Variants in RIMKLB observed in about 807,000 individuals in gnomAD.
The protein encoded by RIMKLB is beta-citrylglutamate synthase B.
Under a neutral mutation model 32.0 loss-of-function variants are expected in RIMKLB, and 7 were observed. The observed-to-expected ratio is 0.22, with a 90% CI of 0.12 to 0.41. The LOEUF is 0.41. Among genes scored for constraint, RIMKLB ranks in the 10% least tolerant of loss-of-function variants. The pLI, the probability that RIMKLB is intolerant of heterozygous loss-of-function variation, is 1.00. For missense variants in RIMKLB, 289 were observed against 498.7 expected (o/e 0.58, Z 4.00); for synonymous variants, 172 against 185.1 (o/e 0.93, Z 0.57).
rs1181126161 is a variant in RIMKLB, at chr12:8,776,526, T to A, written c.*2742T>A. The A allele has an allele frequency of 2.6e-6, 2 of 757,752 alleles. No homozygotes were observed. The highest frequency in any genetic ancestry group is 3.2e-6 in the Non-Finnish European group (2 of 622,844). 46.9% of individuals were successfully genotyped at this position (757,752 alleles called of 1,614,324 possible). ...TAATGATAAAATCTGAATTGTAAAATTTTTGTATATTGTTAAAATTGTAAT... is the reference window on the plus strand; with the variant it reads ...TAATGATAAAATCTGAATTGTAAAAATTTTGTATATTGTTAAAATTGTAAT... On this transcript the variant is annotated 3_prime_UTR_variant, in exon 6 of 6. Coordinates refer to ENST00000535829, the MANE Select transcript of RIMKLB (RefSeq NM_001297776.2).
intron 2 of RIMKLB, among the ~76,000 whole-genome samples, chr12:8,735,368 TA>T (rs1454576349): frequency 6.6e-6 from 1 of 152,228 alleles, no homozygotes; most frequent in Non-Finnish European, 1.5e-5. Context: ...TAGCTGGAAC[TA>T]CAGGCGCACA....
chr12:8,721,481 C>T (rs1945433581), intron 2 of RIMKLB, among the ~76,000 whole-genome samples: 1 of 152,154 alleles, frequency 6.6e-6, no homozygotes, highest in Admixed American at 6.5e-5. Context: ...GAATAGATTC[C>T]ATCTCCATTG....
At chr12:8,714,609 T>C (rs1470213702) in intron 2 of RIMKLB, among the ~76,000 whole-genome samples, 1 of 152,168 alleles carries the variant, frequency 6.6e-6, no homozygotes, top group Non-Finnish European at 1.5e-5. Flanking sequence ...TTTAACTCAA[T>C]TGGTGATAAA....
Position 8,719,070 on chromosome 12 carries a change from C to G in RIMKLB, c.175+5029C>G, listed in dbSNP as rs1187393765. On this transcript the variant is annotated intron_variant, in intron 2 of 5. Coordinates refer to ENST00000535829, the MANE Select transcript of RIMKLB (RefSeq NM_001297776.2). The stretch of plus-strand genomic sequence containing the variant: ...TCCTGTTCATCCTCCTCCTTCCCTC[C>G]CTCTCACCCATCTCTTGACAACCAC... Among the ~76,000 whole-genome samples the G allele has an allele frequency of 2.0e-5, 3 of 152,090 alleles. No individual in the cohort carries two copies. In the East Asian group the frequency reaches 5.8e-4, roughly 29 times the overall value.
intron 2 of RIMKLB, among the ~76,000 whole-genome samples, chr12:8,722,235 T>A (rs988931187): frequency 2.9e-5 from 4 of 137,768 alleles, no homozygotes; most frequent in Non-Finnish European, 4.7e-5. Flanking sequence ...AAAAAAAAAA[T>A]TACTTCTTGA....
intron 5 of RIMKLB, among the ~76,000 whole-genome samples, chr12:8,767,749 G>A (rs905445210): frequency 2.0e-5 from 3 of 152,060 alleles, no homozygotes; most frequent in Non-Finnish European, 4.4e-5. Flanking sequence ...GCAGACCAAC[G>A]CTCCCAATCC....
chr12:8,701,014 C>A (rs746970180), intron 1 of RIMKLB, among the ~76,000 whole-genome samples: 9 of 151,414 alleles, frequency 5.9e-5, no homozygotes, highest in Admixed American at 5.9e-4. Flanking sequence ...TGCGGTGAGC[C>A]GAAATTTTAT....
intron 1 of RIMKLB, among the ~76,000 whole-genome samples, chr12:8,704,711 A>G (rs1323297984): frequency 6.6e-6 from 1 of 152,128 alleles, no homozygotes; most frequent in Non-Finnish European, 1.5e-5. Flanking sequence ...CACTTGAGCC[A>G]TGGCTCATGC....
rs750292009 is a variant in RIMKLB at position 8,741,106 on chromosome 12, T to C, written c.176-8756T>C. Among the ~76,000 whole-genome samples, 15 of 152,232 alleles carry C rather than the reference T, an allele frequency of 9.9e-5. No individual in the cohort carries two copies. The South Asian group carries it at 2.9e-3, about 29-fold the overall frequency. ...CTGTAGTCCCAGCTACTTGGGAGGC[T>C]GGAGCAGAAGAATTGCTTGAACCCG... On this transcript the variant is annotated intron_variant, in intron 2 of 5. Transcript: ENST00000535829.
At position 8,773,499 on chromosome 12, in the gene RIMKLB, T is replaced by C. The variant is rs1170975074; in HGVS notation, c.876T>C (p.Asn292=). 1 of 1,614,236 alleles carries C rather than the reference T, an allele frequency of 6.2e-7. No homozygotes were observed. The highest frequency in any genetic ancestry group is 2.2e-5 in the East Asian group (1 of 44,892). The change falls in exon 6 of 6, where the codon AAT becomes AAC. Residue 292 remains asparagine, a synonymous_variant. Transcript: ENST00000535829. ...VGFIAFDKAC[N]LDVAGIIADY... is the part of the protein sequence containing the mutation. ...TCATCGCCTTTGATAAGGCTTGTAA[T>C]CTAGATGTAGCTGGTATCATAGCAG...
chr12:8,776,218 A>C lies in RIMKLB; in HGVS notation c.*2434A>C. On this transcript the variant is annotated 3_prime_UTR_variant, in exon 6 of 6. Transcript: ENST00000535829. ...TATATTATAGGAAATATGTGAAATT[A>C]GTTCATTAGCTTTATTCACTATTAT... 1.0e-6 allele frequency: 1 copy of C among 980,870 alleles called. No individual in the cohort carries two copies. The highest frequency in any genetic ancestry group is 1.2e-6 in the Non-Finnish European group (1 of 825,806). 60.8% of individuals were successfully genotyped at this position (980,870 alleles called of 1,614,324 possible). A position where few individuals can be genotyped will look rare whatever the true frequency, so the allele number is the denominator to read the frequency against.
chr12:8,718,297 TA>T (rs1945057973), intron 2 of RIMKLB, among the ~76,000 whole-genome samples: 2 of 152,204 alleles, frequency 1.3e-5, no homozygotes, highest in Admixed American at 6.5e-5. Context: ...TTGACAAAAA[TA>T]TTTCCAGTTT....
In RIMKLB at chr12:8,736,919, C is replaced by G. The variant is rs1021941314; in HGVS notation, c.176-12943C>G. On this transcript the variant is annotated intron_variant, in intron 2 of 5. Coordinates refer to ENST00000535829, the MANE Select transcript of RIMKLB (RefSeq NM_001297776.2). ...TTCTGCCTCCCGCGTTCAGGCAGTT[C>G]TCCTGCCTCAGCCTCTCAAGTAGCT... Among the ~76,000 whole-genome samples the G allele has an allele frequency of 2.0e-5, 3 of 152,174 alleles. No homozygotes were observed. The South Asian group carries it at 6.2e-4, about 32-fold the overall frequency.
At chr12:8,706,444 CTT>C (rs1199005342) in intron 1 of RIMKLB, among the ~76,000 whole-genome samples, 5 of 95,202 alleles carry the variant, frequency 5.3e-5, no homozygotes, top group Non-Finnish European at 6.4e-5. Flanking sequence ...CACGCCTGGA[CTT>C]TTTTTTTTTT....
At chr12:8,716,431 CTTT>C (rs11307521) in intron 2 of RIMKLB, among the ~76,000 whole-genome samples, 1 of 81,660 alleles carries the variant, frequency 1.2e-5, no homozygotes, top group Non-Finnish European at 2.4e-5. Flanking sequence ...ATTAACATGT[CTTT>C]TTTTTTTTTT....
At chr12:8,745,115 A>T (rs1947954951) in intron 2 of RIMKLB, among the ~76,000 whole-genome samples, 1 of 151,558 alleles carries the variant, frequency 6.6e-6, no homozygotes, top group Non-Finnish European at 1.5e-5. Context: ...TGTCCTTGTG[A>T]AATTTTTGTG....
intron 2 of RIMKLB, among the ~76,000 whole-genome samples, chr12:8,717,057 C>CTTTTTTTTTTT (rs558195222): frequency 8.0e-6 from 1 of 125,004 alleles, no homozygotes; most frequent in Non-Finnish European, 1.7e-5. Flanking sequence ...GAGGGTTTTT[C>CTTTTTTTTTTT]TTTTTTTTTT....
At chr12:8,726,110 G>A (rs894822394) in intron 2 of RIMKLB, among the ~76,000 whole-genome samples, 3 of 152,184 alleles carry the variant, frequency 2.0e-5, no homozygotes, top group Admixed American at 2.0e-4. Context: ...AGCATCCCAT[G>A]GTGCTGGGAT....
upstream of RIMKLB, among the ~76,000 whole-genome samples, chr12:8,692,303 T>A (rs2136580481): frequency 6.6e-6 from 1 of 152,318 alleles, no homozygotes; most frequent in Non-Finnish European, 1.5e-5. Flanking sequence ...TAAAGAGCAT[T>A]TTACAAATGG....
Sources: gnomAD v4.1 joint callset for allele counts (sites outside exome capture counted in the v4.1 genomes callset) on GRCh38, gnomAD v4.1.1 for gene constraint, MANE v1.5 for transcripts, NCBI Gene and HGNC (gene_info 2026-07-23, HGNC 2026-07-21) for gene names.